Variants in ATXN2 observed in about 807,000 individuals in gnomAD.
The protein encoded by ATXN2 is ataxin 2, also known as ataxin-2.
Under a neutral mutation model 138.6 loss-of-function variants are expected in ATXN2, and 37 were observed. The observed-to-expected ratio is 0.27, with a 90% confidence interval of 0.21 to 0.35. The LOEUF (loss-of-function observed/expected upper bound fraction) is 0.35, where lower values mean the gene tolerates loss of function less well. Among genes scored for constraint, ATXN2 ranks in the 10% least tolerant of loss-of-function variants. The pLI, the probability that ATXN2 is intolerant of heterozygous loss-of-function variation, is 1.00. For synonymous variants in ATXN2, 549 were observed against 543.7 expected (o/e 1.01, Z -0.13); for missense variants, 1,216 against 1,480.3 (o/e 0.82, Z 2.93).
In ATXN2 at chr12:111,513,357, C is replaced by G. The variant is rs1240257474; in HGVS notation, c.1558G>C (p.Val520Leu). Residue 520 changes from valine to leucine, a missense_variant and splice_region_variant, in exon 11 of 25, where the codon GTT (valine) becomes CTT (leucine). Coordinates refer to ENST00000673436, the MANE Select transcript of ATXN2 (RefSeq NM_001372574.1). ...ATCATTATGCCCAAGTGTTACCTAC[C>G]CCCACTGACCACTGATGACCACGTT... is the stretch of plus-strand genomic sequence containing the variant. ...GGTWSSVVSG[V>L]PRLSPKTHRP... 6.2e-7 allele frequency: 1 copy of G among 1,611,058 alleles called. No individual in the cohort carries two copies. The highest frequency in any genetic ancestry group is 8.5e-7 in the Non-Finnish European group (1 of 1,179,244).
At chr12:111,468,341 A>T (rs997499463) in intron 20 of ATXN2, 5 of 152,260 alleles carry the variant, frequency 3.3e-5, no homozygotes, top group African/African-American at 1.2e-4. Flanking sequence ...TCTTGAAAAA[A>T]ATGTTTTCCA....
intron 14 of ATXN2, among the ~76,000 whole-genome samples, chr12:111,503,844 C>T (rs886722608): frequency 1.3e-5 from 2 of 152,070 alleles, no homozygotes; most frequent in Non-Finnish European, 2.9e-5. Flanking sequence ...CCCGCCTCAG[C>T]CTCCCAAAGT....
intron 1 of ATXN2, among the ~76,000 whole-genome samples, chr12:111,568,645 C>A (rs1883148067): frequency 6.6e-6 from 1 of 152,160 alleles, no homozygotes; most frequent in Non-Finnish European, 1.5e-5. Context: ...TTGTTAGTTA[C>A]CAACTTAAAT....
intron 1 of ATXN2, among the ~76,000 whole-genome samples, chr12:111,556,862 G>GA (rs59132195): frequency 0.1 from 14,655 of 141,836 alleles, 2,388 homozygotes; most frequent in African/African-American, 0.35. Flanking sequence ...TACAACTGCA[G>GA]AAAAAAAAAA....
At position 111,558,952 on chromosome 12, in the gene ATXN2, T is replaced by TAAA. The variant is rs11439568; in HGVS notation, c.252-3036_252-3034dup. 2.2e-4 allele frequency among the ~76,000 whole-genome samples: 31 copies of TAAA among 141,432 alleles called. 1 individual carries two copies. The highest frequency in any genetic ancestry group is 6.2e-4 in the African/African-American group (24 of 38,486). The allele number at this position is 141,432 out of a possible 152,430, so 92.8% of individuals were successfully genotyped here. ...CTGTCTACTTTCACACAATTTCCCT[T>TAAA]AAAAAAAAAAAAAAGCACCTTCTGC... On this transcript the variant is annotated intron_variant, in intron 1 of 24. Coordinates refer to ENST00000673436, the MANE Select transcript of ATXN2 (RefSeq NM_001372574.1).
chr12:111,559,790 A>G, intron 1 of ATXN2, among the ~76,000 whole-genome samples: 1 of 148,032 alleles, frequency 6.8e-6, no homozygotes, highest in Non-Finnish European at 1.5e-5. Flanking sequence ...AAAAAAAAAA[A>G]CTACAAAAAA....
intron 14 of ATXN2, among the ~76,000 whole-genome samples, chr12:111,508,023 G>A (rs1243905230): frequency 2.6e-5 from 4 of 152,068 alleles, no homozygotes; most frequent in South Asian, 2.1e-4. Context: ...CAAACACTGC[G>A]GAAGGCCGCA....
intron 1 of ATXN2, among the ~76,000 whole-genome samples, chr12:111,558,227 A>T (rs1353437409): frequency 1.3e-5 from 2 of 152,192 alleles, no homozygotes; most frequent in Admixed American, 1.3e-4. Flanking sequence ...TCTGAAATCC[A>T]CTGAAGTCTA....
At chr12:111,531,655 G>A (rs1880844004) in intron 5 of ATXN2, among the ~76,000 whole-genome samples, 2 of 152,154 alleles carry the variant, frequency 1.3e-5, no homozygotes, top group South Asian at 4.1e-4. Context: ...AAAGAAACAA[G>A]TTGGGGATAA....
chr12:111,577,845 G>A (rs1883760142), intron 1 of ATXN2, among the ~76,000 whole-genome samples: 1 of 152,094 alleles, frequency 6.6e-6, no homozygotes, highest in Non-Finnish European at 1.5e-5. Context: ...TACGTGGGAA[G>A]CTGAGGTGGG....
chr12:111,553,571 T>TC lies in ATXN2; in HGVS notation c.348+586dup, dbSNP rs1357438204. On this transcript the variant is annotated intron_variant, in intron 3 of 24. Coordinates refer to ENST00000673436, the MANE Select transcript of ATXN2 (RefSeq NM_001372574.1). ...CAGACGCAACCATGCCTCTTTTTTC[T>TC]CAAAAAAAAAAAAAAAAAAAAAAAA... Among the ~76,000 whole-genome samples the TC allele has an allele frequency of 5.3e-4, 23 of 43,786 alleles. No individual in the cohort carries two copies. The South Asian group carries it at 0.029, about 55-fold the overall frequency. The allele number at this position is 43,786 out of a possible 152,430, so 28.7% of individuals were successfully genotyped here.
At chr12:111,555,844 T>C (rs1352697533) in intron 2 of ATXN2, 39 bp downstream of exon 2, 2 of 1,542,848 alleles carry the variant, frequency 1.3e-6, no homozygotes, top group Non-Finnish European at 8.8e-7. Context: ...ATGTTTTAGC[T>C]ACTAATTTTC....
Position 111,456,266 on chromosome 12 carries a change from G to C in ATXN2, c.3043-10C>G, listed in dbSNP as rs375022770. The C allele has an allele frequency of 6.2e-7, 1 of 1,613,882 alleles. No individual in the cohort carries two copies. The highest frequency in any genetic ancestry group is 8.5e-7 in the Non-Finnish European group (1 of 1,179,756). On this transcript the variant is annotated splice_polypyrimidine_tract_variant and intron_variant, in intron 22 of 24. Transcript: ENST00000673436. The stretch of plus-strand genomic sequence containing the variant: ...CCTGGTGCTGATGGTGCTGCAAAGC[G>C]ACAGGAAAGAATTGAGAGGAAAACT...
intron 1 of ATXN2, among the ~76,000 whole-genome samples, chr12:111,593,984 C>A (rs1045022963): frequency 6.6e-6 from 1 of 152,148 alleles, no homozygotes. Flanking sequence ...AATGTTAGCT[C>A]CTCAATTAAG....
chr12:111,542,805 CCTTACT>C (rs1881591118), intron 5 of ATXN2, among the ~76,000 whole-genome samples: 1 of 152,256 alleles, frequency 6.6e-6, no homozygotes, highest in South Asian at 2.1e-4. Context: ...CTTGAATCAA[CCTTACT>C]CTTACTAGTA....
intron 1 of ATXN2, among the ~76,000 whole-genome samples, chr12:111,556,349 C>G (rs913638151): frequency 6.6e-6 from 1 of 152,118 alleles, no homozygotes; most frequent in Non-Finnish European, 1.5e-5. Flanking sequence ...GCAGTCTAGC[C>G]TGGGCGACAA....
intron 1 of ATXN2, among the ~76,000 whole-genome samples, chr12:111,578,945 G>T (rs1327278645): frequency 6.6e-6 from 1 of 152,150 alleles, no homozygotes; most frequent in African/African-American, 2.4e-5. Flanking sequence ...GGCTGAGGCA[G>T]GAGGATCACT....
chr12:111,464,410 T>A (rs1441972474), intron 21 of ATXN2, among the ~76,000 whole-genome samples: 1 of 151,550 alleles, frequency 6.6e-6, no homozygotes, highest in Non-Finnish European at 1.5e-5. Context: ...AGGAAAATAT[T>A]AGGCATTTCC....
intron 20 of ATXN2, chr12:111,469,127 T>C (rs1213634336): frequency 6.6e-6 from 1 of 152,232 alleles, no homozygotes; most frequent in Non-Finnish European, 1.5e-5. Flanking sequence ...GAAATGCCCA[T>C]GTAGTTACAT....
Sources: allele counts gnomAD v4.1 joint callset (sites outside exome capture counted in the v4.1 genomes callset), GRCh38; gene constraint gnomAD v4.1.1; transcripts MANE v1.5; gene names NCBI Gene and HGNC (gene_info 2026-07-23, HGNC 2026-07-21).